Variants in BAIAP2 observed in about 807,000 individuals in gnomAD.
The protein encoded by BAIAP2 is BAR/IMD domain-containing adapter protein 2.
A neutral mutation model predicts 63.0 loss-of-function variants in BAIAP2; 18 were observed. The observed-to-expected ratio is 0.29, with a 90% CI of 0.20 to 0.42. The LOEUF is 0.42. BAIAP2 is among the 10% of genes least tolerant of loss of function. The pLI is 1.00. For synonymous variants in BAIAP2, 386 were observed against 307.6 expected, an observed-to-expected ratio of 1.25 and a Z score of -2.67; for missense variants, 610 against 734.3, an observed-to-expected ratio of 0.83 and a Z score of 1.96.
At chr17:81,094,550 G>T (rs539381072) in intron 6 of BAIAP2, among the ~76,000 whole-genome samples, 5 of 152,302 alleles carry the variant, frequency 3.3e-5, no homozygotes, top group African/African-American at 9.6e-5. Context: ...GGGCCAGAGG[G>T]TGCGGCTTAC....
chr17:81,058,412 T>A (rs1448962922), intron 3 of BAIAP2, among the ~76,000 whole-genome samples: 2 of 152,206 alleles, frequency 1.3e-5, no homozygotes, highest in African/African-American at 4.8e-5. Context: ...TTATTGATGC[T>A]TTGTCTGTGT....
chr17:81,106,808 A>G lies in BAIAP2; in HGVS notation c.1401A>G (p.Pro467=). The G allele has an allele frequency of 1.2e-6, 2 of 1,611,944 alleles. No individual in the cohort carries two copies. Among genetic ancestry groups the G allele is most frequent in the Non-Finnish European group, 1.7e-6 (2 of 1,179,592 alleles). ...NLLDKDDLAI[P]PPDYGAASRA... The stretch of plus-strand genomic sequence containing the variant: ...TGGACAAGGACGACCTGGCCATCCC[A>G]CCCCCCGATTACGGCGCCGCCTCCC... Residue 467 remains proline, a synonymous_variant, in exon 12 of 14, where the codon CCA becomes CCG. Coordinates refer to ENST00000428708, the MANE Select transcript of BAIAP2 (RefSeq NM_001144888.2).
At chr17:81,081,346 A>G (rs911773773) in intron 3 of BAIAP2, among the ~76,000 whole-genome samples, 6 of 152,156 alleles carry the variant, frequency 3.9e-5, no homozygotes, top group Non-Finnish European at 7.4e-5. Flanking sequence ...AGCACAGGGC[A>G]GTCTGCCCCC....
chr17:81,092,900 C>T (rs2057016083), intron 6 of BAIAP2, among the ~76,000 whole-genome samples: 1 of 152,166 alleles, frequency 6.6e-6, no homozygotes, highest in East Asian at 1.9e-4. Flanking sequence ...ACAGCCTGGT[C>T]CAGCTCCTCC....
At chr17:81,103,862 C>G (rs768126090) in intron 8 of BAIAP2, 45 bp from the exon 9 acceptor site, 2 of 1,607,014 alleles carry the variant, frequency 1.2e-6, no homozygotes, top group Admixed American at 1.7e-5. Flanking sequence ...TGGTCTTGCC[C>G]GGGGTGGGCT....
chr17:81,104,486 T>TG lies in BAIAP2; in HGVS notation c.1067-28_1067-27insG, dbSNP rs769048032. 8.3e-6 allele frequency: 13 copies of TG among 1,562,106 alleles called. No individual in the cohort carries two copies. In the African/African-American group the frequency reaches 1.8e-4, roughly 21 times the overall value. ...TTGCTGCCCCGCCAGCCAGGGGCAG[T>TG]CCCCTTACCTGTCCCTTGTCCCAGC... On this transcript the variant is annotated intron_variant, in intron 9 of 13. Coordinates refer to ENST00000428708, the MANE Select transcript of BAIAP2 (RefSeq NM_001144888.2).
intron 3 of BAIAP2, among the ~76,000 whole-genome samples, chr17:81,084,356 G>A (rs2145253338): frequency 6.6e-6 from 1 of 152,304 alleles, no homozygotes; most frequent in South Asian, 2.1e-4. Context: ...AGTCAGAGAG[G>A]CTTGTGACCA....
chr17:81,055,574 G>GTTTTTTTTTTTTGTTTGTTTTT (rs1555657874), intron 2 of BAIAP2, among the ~76,000 whole-genome samples: 2 of 123,412 alleles, frequency 1.6e-5, no homozygotes, highest in South Asian at 2.8e-4. Flanking sequence ...AGGGTGTTTT[G>GTTTTTTTTTTTTGTTTGTTTTT]TTTTTTTTTG....
chr17:81,057,651 AC>A, intron 2 of BAIAP2: 1 of 1,314,406 alleles, frequency 7.6e-7, no homozygotes, highest in Non-Finnish European at 9.7e-7. Flanking sequence ...CTGAACTGGT[AC>A]GTTGTGTTCT....
chr17:81,081,488 G>T (rs2054595290), intron 3 of BAIAP2, among the ~76,000 whole-genome samples: 1 of 152,172 alleles, frequency 6.6e-6, no homozygotes. Context: ...CCCTAGCTGG[G>T]GTTCCCTCTC....
At chr17:81,084,705 C>T (rs1246984536) in intron 3 of BAIAP2, 127 bp from the exon 4 acceptor site, 4 of 855,412 alleles carry the variant, frequency 4.7e-6, no homozygotes, top group Non-Finnish European at 7.8e-6. Context: ...CTGGCCCTGA[C>T]ACCCCGGGGG....
At chr17:81,090,530 G>T (rs917581978) in intron 6 of BAIAP2, among the ~76,000 whole-genome samples, 1 of 152,256 alleles carries the variant, frequency 6.6e-6, no homozygotes, top group East Asian at 1.9e-4. Context: ...GCACAAGCTG[G>T]TCACGCAGCA....
At chr17:81,108,427 C>T (rs1032549374) in intron 12 of BAIAP2, 48 bp from the exon 13 acceptor site, 1 of 1,609,706 alleles carries the variant, frequency 6.2e-7, no homozygotes, top group Non-Finnish European at 8.5e-7. Flanking sequence ...GTGGGGGTGA[C>T]CACAGGCCCC....
At chr17:81,054,794 T>G (rs925911672) in intron 2 of BAIAP2, among the ~76,000 whole-genome samples, 14 of 152,158 alleles carry the variant, frequency 9.2e-5, no homozygotes, top group Admixed American at 2.6e-4. Flanking sequence ...GGCACTCCAC[T>G]GCGGGGCCTT....
chr17:81,084,862 A>T lies in BAIAP2; in HGVS notation c.248A>T (p.His83Leu). 1 of 1,613,852 alleles carries T rather than the reference A, an allele frequency of 6.2e-7. No individual in the cohort carries two copies. The highest frequency in any genetic ancestry group is 8.5e-7 in the Non-Finnish European group (1 of 1,180,006). ...GDVLFQMAEVHRQIQNQLEEM... is the reference protein window; with the variant it reads ...GDVLFQMAEVLRQIQNQLEEM... Reference sequence around the variant, plus strand: ...GTTCTCTTCCAGATGGCTGAAGTCCACAGGCAGATCCAGAATCAGCTGGAA... The same window carrying T: ...GTTCTCTTCCAGATGGCTGAAGTCCTCAGGCAGATCCAGAATCAGCTGGAA... Residue 83 changes from histidine (H) to leucine (L), a missense_variant, in exon 4 of 14, where the codon CAC (histidine) becomes CTC (leucine). His to Leu is a moderately conservative substitution (Grantham distance 99, BLOSUM62 -3). Coordinates refer to ENST00000428708, the MANE Select transcript of BAIAP2 (RefSeq NM_001144888.2).
At chr17:81,072,120 C>T (rs1249206319) in intron 3 of BAIAP2, among the ~76,000 whole-genome samples, 1 of 152,240 alleles carries the variant, frequency 6.6e-6, no homozygotes, top group Non-Finnish European at 1.5e-5. Flanking sequence ...CCGTGCCCTC[C>T]CCGGCTGGCT....
rs1163323864 is a variant in BAIAP2 at position 81,117,397 on chromosome 17, AAGCAACAATAAACTTTACATCTCTTT to A, written c.*1559_*1584del. 1.3e-5 allele frequency: 2 copies of A among 152,330 alleles called. No individual in the cohort carries two copies. Among genetic ancestry groups the A allele is most frequent in the East Asian group, 3.8e-4 (2 of 5,206 alleles). The allele number at this position is 152,330 out of a possible 1,614,324, so 9.4% of individuals were successfully genotyped here. A position where few individuals can be genotyped will look rare whatever the true frequency, so the allele number is the denominator to read the frequency against. On this transcript the variant is annotated 3_prime_UTR_variant, in exon 14 of 14. Transcript: ENST00000428708. ...AAAACACAAAACAAATCCCCCTGCG[AAGCAACAATAAACTTTACATCTCTTT>A]GGCAACAATAACTTAAAATCACCCA...
At chr17:81,066,614 C>T (rs906660627) in intron 3 of BAIAP2, among the ~76,000 whole-genome samples, 2 of 152,210 alleles carry the variant, frequency 1.3e-5, no homozygotes, top group Non-Finnish European at 2.9e-5. Context: ...GTCTCTGAAA[C>T]GTGGGGCCCT....
chr17:81,055,569 G>GGTTTTTTTTT (rs138656369), intron 2 of BAIAP2, among the ~76,000 whole-genome samples: 20 of 94,098 alleles, frequency 2.1e-4, no homozygotes, highest in Admixed American at 6.0e-4. Flanking sequence ...TCTGCAGGGT[G>GGTTTTTTTTT]TTTTGTTTTT....
Sources: allele counts gnomAD v4.1 joint callset (sites outside exome capture counted in the v4.1 genomes callset), GRCh38; gene constraint gnomAD v4.1.1; transcripts MANE v1.5; gene names NCBI Gene and HGNC (gene_info 2026-07-23, HGNC 2026-07-21).